The following SDK2 variants were observed in gnomAD, a reference collection of about 807,000 sequenced individuals.
The protein encoded by SDK2 is protein sidekick-2.
A neutral mutation model predicts 253.9 loss-of-function variants in SDK2; 105 were observed. The ratio of observed to expected loss-of-function variants is 0.41; its 90% CI spans 0.35 to 0.49. The LOEUF is 0.49. Among genes scored for constraint, SDK2 ranks in the 20% least tolerant of loss-of-function variants. The probability of loss-of-function intolerance (pLI) is 0.06; values close to 1 mark genes in which losing one functional copy is unlikely to be tolerated. For synonymous variants in SDK2, 1,249 were observed against 1,234.9 expected, an observed-to-expected ratio of 1.01 and a Z score of -0.24; for missense variants, 2,608 against 3,003.0, an observed-to-expected ratio of 0.87 and a Z score of 3.07.
intron 38 of SDK2, among the ~76,000 whole-genome samples, chr17:73,362,812 A>T (rs2062652534): frequency 6.6e-6 from 1 of 152,184 alleles, no homozygotes; most frequent in African/African-American, 2.4e-5. Flanking sequence ...GCGAATCCAA[A>T]TACTCCTGAC....
chr17:73,540,745 T>C lies in SDK2; in HGVS notation c.65-33148A>G, dbSNP rs143365009. Among the ~76,000 whole-genome samples, 1,170 of 152,236 alleles carry C rather than the reference T, an allele frequency of 7.7e-3. 18 individuals are homozygous for C. Among genetic ancestry groups the C allele is most frequent in the African/African-American group, 0.027 (1,112 of 41,528 alleles). On this transcript the variant is annotated intron_variant, in intron 1 of 44. Coordinates refer to ENST00000392650, the MANE Select transcript of SDK2 (RefSeq NM_001144952.2). ...GGGTAACTGGGAGGACAACCATCAA[T>C]TGGTAGGAGAGTCTCACATTTGGGC...
At chr17:73,376,908 C>A (rs1331752171) in intron 36 of SDK2, among the ~76,000 whole-genome samples, 3 of 150,750 alleles carry the variant, frequency 2.0e-5, no homozygotes, top group Admixed American at 6.6e-5. Flanking sequence ...GACTCTTATG[C>A]TGGATTCCAT....
chr17:73,379,290 G>A lies in SDK2; in HGVS notation c.4867C>T (p.Pro1623Ser). The A allele has an allele frequency of 6.4e-7, 1 of 1,553,346 alleles. No homozygotes were observed. Reference protein sequence around the residue: ...PQEVFVGEAVPTAAPRNVVVH... With the variant: ...PQEVFVGEAVSTAAPRNVVVH... ...ACCACGTTACGAGGTGCTGCTGTGG[G>A]CACTGGAGGGCGTGCAGGGTAGGCA... Residue 1623 changes from proline (P) to serine (S), a missense_variant and splice_region_variant, in exon 36 of 45, where the codon CCC (proline) becomes TCC (serine). This residue lies in a region of SDK2 where 1,103 missense variants were observed against 1,143.9 expected (regional missense o/e 0.96). Coordinates refer to ENST00000392650, the MANE Select transcript of SDK2 (RefSeq NM_001144952.2). This position sits in a 1 kb window ranked among gnomAD's most constrained non-coding sequence, Gnocchi z 4.5.
At chr17:73,371,790 T>G (rs1341525970) in intron 36 of SDK2, among the ~76,000 whole-genome samples, 1 of 151,898 alleles carries the variant, frequency 6.6e-6, no homozygotes, top group East Asian at 1.9e-4. Flanking sequence ...CGAAACTCTA[T>G]CTCTACTAAA....
chr17:73,358,056 C>T (rs1478899225), intron 40 of SDK2, 23 bp downstream of exon 40: 2 of 1,612,910 alleles, frequency 1.2e-6, no homozygotes, highest in Non-Finnish European at 1.7e-6. Context: ...TGTGGGGTCT[C>T]AGCCCAGCAG....
At chr17:73,466,884 A>G (rs1266967811) in intron 3 of SDK2, among the ~76,000 whole-genome samples, 1 of 152,182 alleles carries the variant, frequency 6.6e-6, no homozygotes, top group African/African-American at 2.4e-5. Flanking sequence ...ACTGAGGTCC[A>G]GAGAGGGGAA....
chr17:73,396,612 G>A (rs17184811), intron 24 of SDK2, among the ~76,000 whole-genome samples: 66,132 of 152,140 alleles, frequency 0.43, 15,260 homozygotes, highest in Non-Finnish European at 0.52. Flanking sequence ...TTAAGTGCAA[G>A]TTCCTTTACC....
chr17:73,634,799 A>C (rs1033418309), intron 1 of SDK2, among the ~76,000 whole-genome samples: 1 of 152,218 alleles, frequency 6.6e-6, no homozygotes, highest in African/African-American at 2.4e-5. Flanking sequence ...TGTTTATGAT[A>C]CATACACAGA....
Position 73,536,513 on chromosome 17 carries a change from C to G in SDK2, c.65-28916G>C, listed in dbSNP as rs2044774050. Among the ~76,000 whole-genome samples the G allele has an allele frequency of 2.0e-5, 3 of 152,358 alleles. No individual in the cohort carries two copies. In the South Asian group the frequency reaches 6.2e-4, roughly 32 times the overall value. On this transcript the variant is annotated intron_variant, in intron 1 of 44. Transcript: ENST00000392650. ...GGCCACCTGGGCACCTCCCACCTCT[C>G]TTTGTACCAGGGCTAGGTGTGCCGA...
chr17:73,430,423 C>T, intron 12 of SDK2, 88 bp downstream of exon 12: 2 of 989,364 alleles, frequency 2.0e-6, no homozygotes, highest in Non-Finnish European at 3.1e-6. Context: ...CAGCTGTTAC[C>T]TCCCTAATGT....
intron 1 of SDK2, among the ~76,000 whole-genome samples, chr17:73,537,590 G>C (rs1262798523): frequency 2.6e-5 from 4 of 152,052 alleles, no homozygotes; most frequent in African/African-American, 4.8e-5. Flanking sequence ...GGGGAGAGGG[G>C]GAGGTTTGGG....
intron 1 of SDK2, among the ~76,000 whole-genome samples, chr17:73,617,278 CAGGGGAGGGGAGAGGCCTCCTGCAG>C (rs1382454161): frequency 1.9e-4 from 22 of 117,654 alleles, no homozygotes; most frequent in South Asian, 1.5e-3. Context: ...GAGAGGGCTC[CAGGGGAGGGGAGAGGCCTCCTGCAG>C]AGGGGAGGGG....
chr17:73,579,429 C>G (rs2045502052), intron 1 of SDK2, among the ~76,000 whole-genome samples: 1 of 152,190 alleles, frequency 6.6e-6, no homozygotes, highest in Admixed American at 6.5e-5. Context: ...CATCCTCTTA[C>G]TCAGGCTTCT....
At chr17:73,507,399 C>A (rs539344187) in intron 2 of SDK2, 39 bp downstream of exon 2, 3 of 1,536,604 alleles carry the variant, frequency 2.0e-6, no homozygotes, top group Non-Finnish European at 2.6e-6. Context: ...GGGCAGTGGT[C>A]CTGGCAGCCA....
Position 73,361,951 on chromosome 17 carries a change from A to G in SDK2, c.5306-106T>C. The G allele has an allele frequency of 1.8e-6, 2 of 1,121,690 alleles. No homozygotes were observed. The highest frequency in any genetic ancestry group is 2.5e-6 in the Non-Finnish European group (2 of 804,914). 69.5% of individuals were successfully genotyped at this position (1,121,690 alleles called of 1,614,324 possible). On this transcript the variant is annotated intron_variant, in intron 38 of 44. Transcript: ENST00000392650. The surrounding 1 kb of genome is among the most constrained non-coding windows in gnomAD (Gnocchi z 4.1). Reference sequence around the variant, plus strand: ...TGGCCTGGGCCCCGGGACCCTGGGTAGGGGCCTCACTCCTTGAGGTCAGGC... The same window carrying G: ...TGGCCTGGGCCCCGGGACCCTGGGTGGGGGCCTCACTCCTTGAGGTCAGGC...
intron 1 of SDK2, among the ~76,000 whole-genome samples, chr17:73,542,721 G>A (rs936301021): frequency 1.3e-5 from 2 of 152,200 alleles, no homozygotes; most frequent in Non-Finnish European, 2.9e-5. Context: ...CTCTAGCAGG[G>A]CCAGGCTGGG....
rs145893156 is a variant in SDK2, at chr17:73,365,279, C to T, written c.5284G>A (p.Glu1762Lys). The change falls in exon 38 of 45, where the codon GAG becomes AAG. Residue 1762 changes from glutamate (E) to lysine (K), a missense_variant. Glu to Lys is a moderately conservative substitution (Grantham distance 56, BLOSUM62 1). Around this residue, in one of 2 missense-constraint regions of SDK2, gnomAD observed 1,103 missense variants for 1,143.9 expected, o/e 0.96. Transcript: ENST00000392650. ...TCACCATCCACGGGGCTGCAGGGCTCGTACACCAGCCTGTAGCCCTCCAGG... is the reference window on the plus strand; with the variant it reads ...TCACCATCCACGGGGCTGCAGGGCTTGTACACCAGCCTGTAGCCCTCCAGG... ...GILEGYRLVY[E>K]PCSPVDGVSK... The T allele has an allele frequency of 3.4e-5, 55 of 1,610,802 alleles. No individual in the cohort carries two copies. The Middle Eastern group carries it at 5.0e-4, about 15-fold the overall frequency.
chr17:73,340,734 G>GTT (rs10638504), intron 44 of SDK2, among the ~76,000 whole-genome samples: 1,037 of 77,490 alleles, frequency 0.013, 187 homozygotes, highest in African/African-American at 0.051. Context: ...AAACCTTAAA[G>GTT]TTTTTTTTTT....
chr17:73,561,177 AAGCG>A (rs1364543887), intron 1 of SDK2, among the ~76,000 whole-genome samples: 2 of 152,312 alleles, frequency 1.3e-5, no homozygotes, highest in South Asian at 2.1e-4. Flanking sequence ...GGGAGGGGCC[AAGCG>A]AGCTATTTTG....
Sources: gnomAD v4.1 joint callset for allele counts (sites outside exome capture counted in the v4.1 genomes callset) on GRCh38, gnomAD v4.1.1 for gene constraint, gnomAD v4.1.1 regional missense constraint, Gnocchi (gnomAD v3.1) non-coding constraint, MANE v1.5 for transcripts, NCBI Gene and HGNC (gene_info 2026-07-23, HGNC 2026-07-21) for gene names.